PTH2R: variants seen among roughly 807,000 people sequenced by gnomAD.
The protein encoded by PTH2R is parathyroid hormone 2 receptor, also known as PTH2 receptor.
PTH2R carries 59 observed loss-of-function variants against 60.3 expected under a neutral mutation model. That is an observed-to-expected ratio of 0.98 (90% CI 0.79 to 1.22). The LOEUF (loss-of-function observed/expected upper bound fraction) is 1.22. Ranked by LOEUF, PTH2R falls within the 50% of genes most tolerant of loss-of-function variation. PTH2R has a pLI of 0.00. For synonymous variants in PTH2R, 256 were observed against 243.8 expected (o/e 1.05, Z -0.47); for missense variants, 749 against 682.6 (o/e 1.10, Z -1.08).
chr2:208,420,416 T>C (rs1299783523), intron 1 of PTH2R, among the ~76,000 whole-genome samples: 1 of 152,190 alleles, frequency 6.6e-6, no homozygotes, highest in African/African-American at 2.4e-5. Flanking sequence ...TATGAGGCTA[T>C]TTTTTCCACA....
rs1157318719 is a variant in PTH2R at position 208,489,025 on chromosome 2, T to G, written c.1090T>G (p.Ser364Ala). The change falls in exon 11 of 13, where the codon TCG becomes GCG. Residue 364 changes from serine (S) to alanine (A), a missense_variant. Ser to Ala is a moderately conservative substitution (Grantham distance 99). Transcript: ENST00000272847. ...GTTCTCCTTTAGGAAACTGGCCAAA[T>G]CGACACTGGTCCTGGTCCTAGTCTT... ...TRKQYRKLAK[S>A]TLVLVLVFGV... 6.2e-7 allele frequency: 1 copy of G among 1,614,086 alleles called. No homozygotes were observed. Among genetic ancestry groups the G allele is most frequent in the Non-Finnish European group, 8.5e-7 (1 of 1,180,016 alleles).
intron 1 of PTH2R, among the ~76,000 whole-genome samples, chr2:208,426,450 T>A (rs894998371): frequency 1.3e-5 from 2 of 152,142 alleles, no homozygotes; most frequent in African/African-American, 4.8e-5. Flanking sequence ...AACAAAGGAA[T>A]AAAAAGAAAG....
intron 9 of PTH2R, among the ~76,000 whole-genome samples, chr2:208,464,240 CAT>C (rs1702693006): frequency 6.6e-6 from 1 of 152,132 alleles, no homozygotes; most frequent in Non-Finnish European, 1.5e-5. Context: ...AAAAGTATAA[CAT>C]AATGTTATTT....
Position 208,407,112 on chromosome 2 carries a change from A to T in PTH2R, c.69A>T (p.Arg23Ser). Reference protein sequence around the residue: ...WLMLGSCLLARAQLDSDGTIT... With the variant: ...WLMLGSCLLASAQLDSDGTIT... ...TGCTCGGCAGCTGCCTCCTGGCCAG[A>T]GCCCAGGTAAGAGCCAGTGCTCCGC... The change falls in exon 1 of 13, where the codon AGA becomes AGT. Residue 23 changes from arginine (R) to serine (S), a missense_variant. Transcript: ENST00000272847. 1 of 1,396,432 alleles carries T rather than the reference A, an allele frequency of 7.2e-7. No homozygotes were observed. Among genetic ancestry groups the T allele is most frequent in the Non-Finnish European group, 9.4e-7 (1 of 1,067,990 alleles). 86.5% of individuals were successfully genotyped at this position (1,396,432 alleles called of 1,614,324 possible).
chr2:208,367,011 G>T (rs183237236), intron 1 of PTH2R, among the ~76,000 whole-genome samples: 2 of 152,020 alleles, frequency 1.3e-5, no homozygotes, highest in African/African-American at 4.8e-5. Context: ...CTTCCATGGC[G>T]TAGGTGTGCT....
chr2:208,430,773 G>A (rs1701955950), intron 2 of PTH2R, among the ~76,000 whole-genome samples: 1 of 151,956 alleles, frequency 6.6e-6, no homozygotes, highest in Admixed American at 6.6e-5. Flanking sequence ...CACCATGTTA[G>A]CCAGGATGGT....
intron 9 of PTH2R, among the ~76,000 whole-genome samples, chr2:208,476,812 G>C (rs1458233141): frequency 6.6e-6 from 1 of 152,058 alleles, no homozygotes; most frequent in Non-Finnish European, 1.5e-5. Context: ...TGGATGATGT[G>C]ACCCTAGCTC....
intron 1 of PTH2R, among the ~76,000 whole-genome samples, chr2:208,395,234 A>G (rs1701186187): frequency 6.6e-6 from 1 of 151,914 alleles, no homozygotes. Flanking sequence ...TTTTTAGTAG[A>G]GACGGGGTTT....
rs1175413991 is a variant in PTH2R at position 208,437,790 on chromosome 2, G to C, written c.320G>C (p.Gly107Ala). 6.2e-7 allele frequency: 1 copy of C among 1,613,786 alleles called. No individual in the cohort carries two copies. The highest frequency in any genetic ancestry group is 1.3e-5 in the African/African-American group (1 of 75,040). The change falls in exon 4 of 13, where the codon GGA becomes GCA. Residue 107 changes from glycine to alanine, a missense_variant. Coordinates refer to ENST00000272847, the MANE Select transcript of PTH2R (RefSeq NM_005048.4). ...GVAFRHCNPN[G>A]TWDFMHSLNK... ...GCTTTCCGACACTGTAACCCCAATG[G>C]AACATGGGATTTTATGCACAGCTTA...
At position 208,444,889 on chromosome 2, in the gene PTH2R, T is replaced by C; in HGVS notation, c.853+2T>C. 2 of 1,611,936 alleles carry C rather than the reference T, an allele frequency of 1.2e-6. No homozygotes were observed. The highest frequency in any genetic ancestry group is 1.3e-5 in the African/African-American group (1 of 74,904). ...GGGGCTTCATCTTGATAGGCTGGGG[T>C]AAGACATTTATATCTCTGTTCCTTT... On this transcript the variant is annotated splice_donor_variant, in intron 7 of 12. Coordinates refer to ENST00000272847, the MANE Select transcript of PTH2R (RefSeq NM_005048.4). LOFTEE classifies it high-confidence loss of function.
At chr2:208,374,510 T>A (rs999007386) in intron 1 of PTH2R, among the ~76,000 whole-genome samples, 3 of 152,054 alleles carry the variant, frequency 2.0e-5, no homozygotes, top group African/African-American at 7.3e-5. Context: ...CGACATTTAT[T>A]TATTTACTTT....
chr2:208,457,096 C>G (rs1212021519), intron 8 of PTH2R, among the ~76,000 whole-genome samples: 1 of 152,140 alleles, frequency 6.6e-6, no homozygotes, highest in Admixed American at 6.5e-5. Flanking sequence ...TACCAAATGT[C>G]AAAAACTGAA....
intron 9 of PTH2R, among the ~76,000 whole-genome samples, chr2:208,480,510 A>T (rs1206294038): frequency 6.6e-6 from 1 of 152,192 alleles, no homozygotes; most frequent in East Asian, 1.9e-4. Flanking sequence ...GAACTTGATT[A>T]TCTCTAATGG....
chr2:208,395,909 T>C (rs570537043), intron 1 of PTH2R, among the ~76,000 whole-genome samples: 146 of 152,284 alleles, frequency 9.6e-4, no homozygotes, highest in African/African-American at 3.4e-3. Flanking sequence ...GACTTCAAAC[T>C]ATACTACAAG....
chr2:208,384,225 GAGGGTTTGGATTGGTA>G, intron 1 of PTH2R, among the ~76,000 whole-genome samples: 1 of 152,198 alleles, frequency 6.6e-6, no homozygotes, highest in South Asian at 2.1e-4. Flanking sequence ...GAGGATTGGT[GAGGGTTTGGATTGGTA>G]GAAAGAGACG....
chr2:208,468,890 A>C (rs1282107039), intron 9 of PTH2R, among the ~76,000 whole-genome samples: 1 of 152,184 alleles, frequency 6.6e-6, no homozygotes, highest in Admixed American at 6.5e-5. Flanking sequence ...CAGAATGACC[A>C]CTCAATAAAT....
intron 1 of PTH2R, among the ~76,000 whole-genome samples, chr2:208,427,756 G>C (rs1383734859): frequency 1.3e-5 from 2 of 151,878 alleles, no homozygotes; most frequent in Non-Finnish European, 2.9e-5. Context: ...TGTTCCTCTG[G>C]AACCAACCAC....
intron 8 of PTH2R, among the ~76,000 whole-genome samples, chr2:208,453,928 G>T (rs1224357785): frequency 4.6e-5 from 7 of 152,124 alleles, no homozygotes; most frequent in African/African-American, 1.2e-4. Flanking sequence ...TTTAAGGCCC[G>T]ATCATTATAT....
rs532580391 is a variant in PTH2R at position 208,373,342 on chromosome 2, G to A, written c.-259+13105G>A. ...TGGTTTGTTAAACTGAAAAATAAAA[G>A]CAATGAAGAGATAATATTGCTGTAG... On this transcript the variant is annotated intron_variant, in intron 1 of 12. Coordinates refer to the PTH2R transcript ENST00000617735. Among the ~76,000 whole-genome samples the A allele has an allele frequency of 6.7e-4, 102 of 152,034 alleles. 1 individual carries two copies. The highest frequency in any genetic ancestry group is 2.3e-3 in the African/African-American group (95 of 41,406).
Sources: gnomAD v4.1 joint callset for allele counts (sites outside exome capture counted in the v4.1 genomes callset) on GRCh38, gnomAD v4.1.1 for gene constraint, MANE v1.5 for transcripts, NCBI Gene and HGNC (gene_info 2026-07-23, HGNC 2026-07-21) for gene names.